Variants in PCDH7 observed in about 807,000 individuals in gnomAD.
The protein encoded by PCDH7 is protocadherin 7.
In PCDH7, 17 loss-of-function variants were observed where a neutral mutation model predicts 58.9. That is an observed-to-expected ratio of 0.29 (90% CI 0.20 to 0.43). The LOEUF is 0.43. Among genes scored for constraint, PCDH7 ranks in the 20% least tolerant of loss-of-function variants. The pLI, the probability that PCDH7 is intolerant of heterozygous loss-of-function variation, is 1.00. For synonymous variants in PCDH7, 664 were observed against 616.4 expected, an observed-to-expected ratio of 1.08 and a Z score of -1.14; for missense variants, 1,274 against 1,441.0, an observed-to-expected ratio of 0.88 and a Z score of 1.88.
At chr4:30,899,759 GTGTT>G in intron 1 of PCDH7, among the ~76,000 whole-genome samples, 1 of 151,592 alleles carries the variant, frequency 6.6e-6, no homozygotes, top group Non-Finnish European at 1.5e-5. Flanking sequence ...CCACATATGT[GTGTT>G]TGTGGGGTGG....
chr4:30,934,354 C>A (rs987849436), intron 2 of PCDH7, among the ~76,000 whole-genome samples: 3 of 152,144 alleles, frequency 2.0e-5, no homozygotes, highest in Non-Finnish European at 2.9e-5. Flanking sequence ...TATTTTAGAA[C>A]ACAAAGTACA....
intron 1 of PCDH7, among the ~76,000 whole-genome samples, chr4:30,909,485 C>T (rs1741436162): frequency 6.6e-6 from 1 of 152,188 alleles, no homozygotes; most frequent in African/African-American, 2.4e-5. Context: ...AGCAAAGTCT[C>T]AGGATACAAA....
At chr4:30,740,917 G>A (rs1248447717) in intron 1 of PCDH7, among the ~76,000 whole-genome samples, 4 of 151,382 alleles carry the variant, frequency 2.6e-5, no homozygotes, top group Non-Finnish European at 4.4e-5. Context: ...TTTTTAATCA[G>A]CTAAAGTGTA....
intron 3 of PCDH7, among the ~76,000 whole-genome samples, chr4:30,996,611 G>T (rs1751921850): frequency 6.6e-6 from 1 of 152,154 alleles, no homozygotes; most frequent in Non-Finnish European, 1.5e-5. Context: ...TTCAGAAACT[G>T]TAGAAATGTG....
At chr4:31,097,492 A>AAAAG (rs1253514388) in intron 3 of PCDH7, among the ~76,000 whole-genome samples, 62 of 119,032 alleles carry the variant, frequency 5.2e-4, no homozygotes, top group South Asian at 2.6e-3. Context: ...AAGAAAGAAA[A>AAAAG]AAAGAAAGAA....
intron 1 of PCDH7, among the ~76,000 whole-genome samples, chr4:30,757,830 C>G (rs1009601449): frequency 6.6e-6 from 1 of 152,130 alleles, no homozygotes; most frequent in South Asian, 2.1e-4. Context: ...ATAGTAGGCT[C>G]TCAATAAAAG....
chr4:31,128,043 G>T (rs1348476912), intron 3 of PCDH7, among the ~76,000 whole-genome samples: 2 of 150,340 alleles, frequency 1.3e-5, no homozygotes, highest in Non-Finnish European at 3.0e-5. Flanking sequence ...ATATATGTAT[G>T]CACATATGCA....
At chr4:31,103,384 G>A (rs1715144499) in intron 3 of PCDH7, among the ~76,000 whole-genome samples, 1 of 151,952 alleles carries the variant, frequency 6.6e-6, no homozygotes, top group South Asian at 2.1e-4. Context: ...CTGTCACCTA[G>A]GCTGCTGTGC....
intron 3 of PCDH7, among the ~76,000 whole-genome samples, chr4:30,954,063 A>T (rs1747611394): frequency 6.6e-6 from 1 of 152,146 alleles, no homozygotes; most frequent in Non-Finnish European, 1.5e-5. Flanking sequence ...TGCAAAGTAA[A>T]TTCTTCATTT....
At chr4:31,006,893 A>C (rs1413352651) in intron 3 of PCDH7, among the ~76,000 whole-genome samples, 1 of 130,708 alleles carries the variant, frequency 7.7e-6, no homozygotes, top group African/African-American at 2.8e-5. Flanking sequence ...ACTTTGTCTC[A>C]AAAAAAAAAA....
chr4:30,896,585 G>A (rs971206682), intron 1 of PCDH7, among the ~76,000 whole-genome samples: 17 of 151,942 alleles, frequency 1.1e-4, no homozygotes, highest in Non-Finnish European at 2.2e-4. Flanking sequence ...GATTTAAACA[G>A]TAATTTAACT....
At chr4:31,028,342 TC>T in intron 3 of PCDH7, among the ~76,000 whole-genome samples, 1 of 152,254 alleles carries the variant, frequency 6.6e-6, no homozygotes, top group East Asian at 1.9e-4. Flanking sequence ...AATGTGAAAA[TC>T]TTCCTTAAAA....
intron 2 of PCDH7, among the ~76,000 whole-genome samples, chr4:30,924,305 A>AGGCTACT (rs1239969606): frequency 6.6e-6 from 1 of 152,186 alleles, no homozygotes; most frequent in African/African-American, 2.4e-5. Context: ...AGCATTGGGT[A>AGGCTACT]GGCTACTGTC....
chr4:31,121,091 G>A (rs16884374), intron 3 of PCDH7, among the ~76,000 whole-genome samples: 1 of 152,130 alleles, frequency 6.6e-6, no homozygotes, highest in Admixed American at 6.6e-5. Context: ...TGTGCTGGAT[G>A]TAATCAGTAC....
At chr4:30,747,989 T>A (rs1264641440) in intron 1 of PCDH7, among the ~76,000 whole-genome samples, 2 of 152,226 alleles carry the variant, frequency 1.3e-5, no homozygotes, top group Admixed American at 1.3e-4. Context: ...CAGAATAATT[T>A]ATTAGTGTTT....
At chr4:30,800,564 G>A (rs930711702) in intron 1 of PCDH7, among the ~76,000 whole-genome samples, 7 of 152,156 alleles carry the variant, frequency 4.6e-5, no homozygotes, top group African/African-American at 1.4e-4. Context: ...AGATGTGTTG[G>A]AAGTGCTATA....
At chr4:30,770,837 T>C (rs1213400899) in intron 1 of PCDH7, among the ~76,000 whole-genome samples, 1 of 152,190 alleles carries the variant, frequency 6.6e-6, no homozygotes, top group Non-Finnish European at 1.5e-5. Context: ...AGATTGTCTT[T>C]CATTTGTCTT....
intron 3 of PCDH7, among the ~76,000 whole-genome samples, chr4:31,008,972 C>T (rs1752982373): frequency 6.6e-6 from 1 of 152,090 alleles, no homozygotes; most frequent in Admixed American, 6.6e-5. Context: ...TGTCCCATCA[C>T]ATAATATACA....
At chr4:30,805,684 T>C (rs1466049391) in intron 1 of PCDH7, among the ~76,000 whole-genome samples, 1 of 152,166 alleles carries the variant, frequency 6.6e-6, no homozygotes, top group East Asian at 1.9e-4. Flanking sequence ...AATCCAGAGA[T>C]CATTTTTTGT....
Sources: gnomAD v4.1 joint callset for allele counts (sites outside exome capture counted in the v4.1 genomes callset) on GRCh38, gnomAD v4.1.1 for gene constraint, MANE v1.5 for transcripts, NCBI Gene and HGNC (gene_info 2026-07-23, HGNC 2026-07-21) for gene names.